Variants in CHRM5 observed in about 807,000 individuals in gnomAD.
CHRM5 encodes the protein muscarinic acetylcholine receptor M5.
In CHRM5, 18 loss-of-function variants were observed where a neutral mutation model predicts 39.0. The ratio of observed to expected loss-of-function variants is 0.46; its 90% confidence interval spans 0.32 to 0.68. The LOEUF is 0.68. Ranked by LOEUF, CHRM5 falls within the 30% of genes least tolerant of loss-of-function variation. CHRM5 has a pLI of 0.04. For missense variants in CHRM5, 515 were observed against 651.1 expected (o/e 0.79, Z 2.28); for synonymous variants, 241 against 246.3 (o/e 0.98, Z 0.20).
rs544489741 is a variant in CHRM5 at position 34,063,960 on chromosome 15, A to G, written c.1243A>G (p.Thr415Ala). The change falls in exon 3 of 3, where the codon ACG becomes GCG. Residue 415 changes from threonine to alanine, a missense_variant. Transcript: ENST00000383263. This position sits in a 1 kb window ranked among gnomAD's most constrained non-coding sequence, Gnocchi z 4.1. ...CTTCCCAGTGGCCAAGGAACCTTCA[A>G]CGAAAGGCCTCAATCCCAACCCCAG... ...CPFPVAKEPS[T>A]KGLNPNPSHQ... The G allele has an allele frequency of 1.9e-6, 3 of 1,614,162 alleles. No homozygotes were observed. The highest frequency in any genetic ancestry group is 3.3e-5 in the Admixed American group (2 of 60,024).
chr15:34,052,333 TA>T (rs200125386), intron 2 of CHRM5, among the ~76,000 whole-genome samples: 2,408 of 152,224 alleles, frequency 0.016, 81 homozygotes, highest in African/African-American at 0.055. Context: ...GCTAGGTATT[TA>T]AAAAACATAC....
chr15:34,024,856 T>A lies in CHRM5; in HGVS notation c.-407-21684T>A, dbSNP rs2339351. Among the ~76,000 whole-genome samples the A allele has an allele frequency of 7.5e-5, 11 of 146,410 alleles. No individual in the cohort carries two copies. The South Asian group carries it at 1.1e-3, about 14-fold the overall frequency. On this transcript the variant is annotated intron_variant, in intron 1 of 2. Transcript: ENST00000383263. ...AGCCTGGGCGACAAAGCAAGACTCC[T>A]TCTCAAAAAAAAAAGGAAAAAATAA... is the stretch of plus-strand genomic sequence containing the variant.
chr15:33,996,106 A>AG (rs1896921770), intron 1 of CHRM5, among the ~76,000 whole-genome samples: 1 of 152,234 alleles, frequency 6.6e-6, no homozygotes. Flanking sequence ...TAGACCTGTG[A>AG]GGCAGCAGCC....
chr15:34,014,370 A>C (rs905351848), intron 1 of CHRM5, among the ~76,000 whole-genome samples: 1 of 39,622 alleles, frequency 2.5e-5, no homozygotes, highest in Non-Finnish European at 1.2e-4. Flanking sequence ...ATCTCATTAA[A>C]AAAAAAAAAA....
chr15:34,066,775 A>G lies in CHRM5; in HGVS notation c.*2459A>G, dbSNP rs1488590748. The G allele has an allele frequency of 6.6e-6, 1 of 151,458 alleles. No individual in the cohort carries two copies. The highest frequency in any genetic ancestry group is 1.5e-5 in the Non-Finnish European group (1 of 68,024). 9.4% of individuals were successfully genotyped at this position (151,458 alleles called of 1,614,324 possible). ...GGTTGCAGTGAGCTATGATCACACT[A>G]CTGCATTCCAGTCTAAGTGACAGAG... On this transcript the variant is annotated 3_prime_UTR_variant, in exon 3 of 3. Transcript: ENST00000383263.
chr15:34,063,853 A>C lies in CHRM5; in HGVS notation c.1136A>C (p.Tyr379Ser), dbSNP rs143611760. 6.2e-6 allele frequency: 10 copies of C among 1,614,182 alleles called. No individual in the cohort carries two copies. Among genetic ancestry groups the C allele is most frequent in the Admixed American group, 1.7e-5 (1 of 60,010 alleles). Reference protein sequence around the residue: ...HRPKSQKCVAYKFRLVVKADG... With the variant: ...HRPKSQKCVASKFRLVVKADG... ...CCCAAGAGTCAGAAATGTGTGGCCT[A>C]TAAGTTCCGATTGGTGGTAAAAGCT... is the stretch of plus-strand genomic sequence containing the variant. Residue 379 changes from tyrosine (Y) to serine (S), a missense_variant, in exon 3 of 3, where the codon TAT (tyrosine) becomes TCT (serine). Physicochemically the swap from Tyr to Ser is moderately radical, Grantham distance 144. Coordinates refer to ENST00000383263, the MANE Select transcript of CHRM5 (RefSeq NM_012125.4). This position sits in a 1 kb window ranked among gnomAD's most constrained non-coding sequence, Gnocchi z 4.1.
In CHRM5 at chr15:34,064,028, G is replaced by C; in HGVS notation, c.1311G>C (p.Glu437Asp). 1 of 1,614,202 alleles carries C rather than the reference G, an allele frequency of 6.2e-7. No homozygotes were observed. Among genetic ancestry groups the C allele is most frequent in the Non-Finnish European group, 8.5e-7 (1 of 1,180,030 alleles). ...TKRKRVVLVKERKAAQTLSAI... is the reference protein window; with the variant it reads ...TKRKRVVLVKDRKAAQTLSAI... ...GAAAGAGAGTGGTCCTAGTCAAAGAGAGGAAAGCAGCCCAGACACTGAGTG... is the reference window on the plus strand; with the variant it reads ...GAAAGAGAGTGGTCCTAGTCAAAGACAGGAAAGCAGCCCAGACACTGAGTG... The change falls in exon 3 of 3, where the codon GAG (glutamate) becomes GAC (aspartate). Residue 437 changes from glutamate (E) to aspartate (D), a missense_variant. By Grantham distance (45) the Glu-to-Asp change is conservative. Coordinates refer to ENST00000383263, the MANE Select transcript of CHRM5 (RefSeq NM_012125.4).
intron 2 of CHRM5, among the ~76,000 whole-genome samples, chr15:34,059,195 C>T (rs116264406): frequency 0.014 from 2,137 of 152,272 alleles, 62 homozygotes; most frequent in African/African-American, 0.048. Flanking sequence ...CCACACCTGG[C>T]CTCCTTATTT....
intron 1 of CHRM5, among the ~76,000 whole-genome samples, chr15:33,977,830 T>C (rs1345450018): frequency 1.3e-5 from 2 of 151,910 alleles, no homozygotes; most frequent in South Asian, 2.1e-4. Context: ...TCTAACACTT[T>C]GGAGGCCAAG....
At chr15:34,000,504 G>C (rs1897096766) in intron 1 of CHRM5, among the ~76,000 whole-genome samples, 1 of 152,174 alleles carries the variant, frequency 6.6e-6, no homozygotes, top group South Asian at 2.1e-4. Flanking sequence ...GCAATATCTA[G>C]AAAAGTTTAT....
chr15:34,046,938 A>C (rs513706), intron 2 of CHRM5, 67 bp downstream of exon 2: 144,463 of 152,308 alleles, frequency 0.95, 68,983 homozygotes, highest in East Asian at 1. Context: ...ACCCATGGAA[A>C]AGGAGATCTC....
At chr15:34,001,585 G>A (rs1004333479) in intron 1 of CHRM5, among the ~76,000 whole-genome samples, 3 of 152,084 alleles carry the variant, frequency 2.0e-5, no homozygotes, top group African/African-American at 7.2e-5. Flanking sequence ...CCAAAATATA[G>A]GTACCAAGAG....
At chr15:34,019,436 T>C (rs1003619227) in intron 1 of CHRM5, among the ~76,000 whole-genome samples, 1 of 152,212 alleles carries the variant, frequency 6.6e-6, no homozygotes, top group Non-Finnish European at 1.5e-5. Flanking sequence ...GGGCTAATTA[T>C]TTAAAAAAAG....
At chr15:34,021,839 G>C (rs1898214991) in intron 1 of CHRM5, among the ~76,000 whole-genome samples, 1 of 151,992 alleles carries the variant, frequency 6.6e-6, no homozygotes, top group Non-Finnish European at 1.5e-5. Flanking sequence ...TGGGTGGACA[G>C]CGCAAGACTC....
At chr15:33,982,099 T>G (rs1461192643) in intron 1 of CHRM5, among the ~76,000 whole-genome samples, 1 of 151,812 alleles carries the variant, frequency 6.6e-6, no homozygotes, top group East Asian at 1.9e-4. Context: ...ACTCCTGACC[T>G]CAGATGATCC....
rs115318356 is a variant in CHRM5 at position 34,049,034 on chromosome 15, C to A, written c.-76+2163C>A. Among the ~76,000 whole-genome samples the A allele has an allele frequency of 5.8e-3, 878 of 152,266 alleles. 12 individuals are homozygous for A. The highest frequency in any genetic ancestry group is 0.02 in the African/African-American group (850 of 41,544). ...AACAACATCAACAGAAAAGACCCCA[C>A]AAAAACCTATTTCAAGGTCAGCAAC... On this transcript the variant is annotated intron_variant, in intron 2 of 2. Coordinates refer to ENST00000383263, the MANE Select transcript of CHRM5 (RefSeq NM_012125.4).
intron 1 of CHRM5, among the ~76,000 whole-genome samples, chr15:33,979,737 C>G (rs1219393100): frequency 1.3e-5 from 2 of 152,148 alleles, no homozygotes; most frequent in Non-Finnish European, 2.9e-5. Context: ...CTTTACTAAA[C>G]TAAGAGAAGT....
At chr15:34,031,818 A>C (rs1233795407) in intron 1 of CHRM5, among the ~76,000 whole-genome samples, 1 of 152,156 alleles carries the variant, frequency 6.6e-6, no homozygotes, top group Non-Finnish European at 1.5e-5. Flanking sequence ...TAAAACACAC[A>C]CATCAGTTTG....
intron 1 of CHRM5, among the ~76,000 whole-genome samples, chr15:34,021,375 T>C (rs1418286323): frequency 6.6e-6 from 1 of 151,642 alleles, no homozygotes; most frequent in Non-Finnish European, 1.5e-5. Context: ...AACCTCTGCC[T>C]CCCGGGTTCA....
Sources: allele counts gnomAD v4.1 joint callset (sites outside exome capture counted in the v4.1 genomes callset), GRCh38; gene constraint gnomAD v4.1.1; non-coding constraint Gnocchi (gnomAD v3.1); transcripts MANE v1.5; gene names NCBI Gene and HGNC (gene_info 2026-07-23, HGNC 2026-07-21).